The following MIR2052HG variants were observed in gnomAD, a reference collection of about 807,000 sequenced individuals.
The protein encoded by MIR2052HG is MIR2052 host gene.
At chr8:74,715,869 A>G (rs1447648031) in intron 4 of MIR2052HG, among the ~76,000 whole-genome samples, 1 of 152,200 alleles carries the variant, frequency 6.6e-6, no homozygotes, top group Admixed American at 6.5e-5. Flanking sequence ...CATGTCATCT[A>G]CTTCTTCCAC....
intron 4 of MIR2052HG, among the ~76,000 whole-genome samples, chr8:74,729,566 A>G (rs1369153363): frequency 2.6e-5 from 4 of 152,176 alleles, no homozygotes; most frequent in African/African-American, 9.7e-5. Flanking sequence ...TATTTCTTCT[A>G]TATGATAAAA....
At chr8:74,705,636 A>G (rs1386647867) in intron 4 of MIR2052HG, 1 of 170,186 alleles carries the variant, frequency 5.9e-6, no homozygotes, top group African/African-American at 2.4e-5. Flanking sequence ...GACCTTAGGC[A>G]GAAAGAAGGG....
At chr8:74,639,212 GC>G (rs1310176639) in intron 2 of MIR2052HG, among the ~76,000 whole-genome samples, 1 of 152,042 alleles carries the variant, frequency 6.6e-6, no homozygotes, top group East Asian at 1.9e-4. Flanking sequence ...CTGCCTTTCA[GC>G]CCATGTTTAT....
At chr8:74,612,584 A>G (rs780720496) in intron 1 of MIR2052HG, 2 of 258,374 alleles carry the variant, frequency 7.7e-6, no homozygotes, top group African/African-American at 2.3e-5. Flanking sequence ...ACCAAAATGC[A>G]GTCAAAGCAT....
intron 1 of MIR2052HG, among the ~76,000 whole-genome samples, chr8:74,602,602 C>G (rs957747123): frequency 1.5e-4 from 22 of 151,430 alleles, no homozygotes; most frequent in African/African-American, 5.1e-4. Context: ...ACCTCTGCCT[C>G]CTGGGTTCAA....
chr8:74,690,846 G>A (rs561428512), intron 2 of MIR2052HG, among the ~76,000 whole-genome samples: 40 of 152,038 alleles, frequency 2.6e-4, no homozygotes, highest in African/African-American at 9.4e-4. Flanking sequence ...CCACAAGGAG[G>A]TGTAAGAGAC....
chr8:74,737,723 C>T (rs988721547), intron 4 of MIR2052HG, among the ~76,000 whole-genome samples: 3 of 152,176 alleles, frequency 2.0e-5, no homozygotes, highest in African/African-American at 7.2e-5. Context: ...TTTGTGCTCA[C>T]ATTCTTAAGT....
intron 2 of MIR2052HG, among the ~76,000 whole-genome samples, chr8:74,648,763 G>T (rs1200021141): frequency 6.6e-6 from 1 of 151,838 alleles, no homozygotes; most frequent in Non-Finnish European, 1.5e-5. Flanking sequence ...TTGGGTAAGT[G>T]AACTAAGGAA....
At chr8:74,745,188 A>G (rs2128756125) in intron 4 of MIR2052HG, among the ~76,000 whole-genome samples, 1 of 152,298 alleles carries the variant, frequency 6.6e-6, no homozygotes, top group South Asian at 2.1e-4. Flanking sequence ...CCTTGAGCCC[A>G]GAAAGTCGAG....
chr8:74,647,762 T>C (rs1189044889), intron 2 of MIR2052HG, among the ~76,000 whole-genome samples: 1 of 152,196 alleles, frequency 6.6e-6, no homozygotes, highest in Non-Finnish European at 1.5e-5. Context: ...CATGGACATT[T>C]ATCAGTTCCC....
chr8:74,703,196 G>C (rs1312772582), intron 3 of MIR2052HG, among the ~76,000 whole-genome samples: 1 of 151,954 alleles, frequency 6.6e-6, no homozygotes, highest in Admixed American at 6.6e-5. Flanking sequence ...TAGGACTGAT[G>C]GTGACCAAAT....
intron 2 of MIR2052HG, among the ~76,000 whole-genome samples, chr8:74,635,033 A>G (rs1231125942): frequency 6.6e-6 from 1 of 152,182 alleles, no homozygotes; most frequent in Non-Finnish European, 1.5e-5. Context: ...AGTTACAGTG[A>G]AAATGACTTA....
At chr8:74,729,102 C>A (rs994945371) in intron 4 of MIR2052HG, among the ~76,000 whole-genome samples, 2 of 152,112 alleles carry the variant, frequency 1.3e-5, no homozygotes, top group Non-Finnish European at 1.5e-5. Context: ...TTTCCCAAGT[C>A]GCAAACGAAT....
intron 2 of MIR2052HG, among the ~76,000 whole-genome samples, chr8:74,696,727 C>T (rs963800666): frequency 1.3e-5 from 2 of 151,600 alleles, no homozygotes; most frequent in African/African-American, 4.8e-5. Flanking sequence ...AGGGGAGATA[C>T]ATAAATTCCT....
chr8:74,665,577 T>C (rs6472870), intron 2 of MIR2052HG, among the ~76,000 whole-genome samples: 100,827 of 152,074 alleles, frequency 0.66, 35,159 homozygotes, highest in African/African-American at 0.89. Flanking sequence ...TTTGCTGTCA[T>C]TAATCACTCT....
At chr8:74,684,687 T>G (rs1027307568) in intron 2 of MIR2052HG, among the ~76,000 whole-genome samples, 1 of 152,142 alleles carries the variant, frequency 6.6e-6, no homozygotes, top group African/African-American at 2.4e-5. Context: ...ACCTTCAACC[T>G]GGTTTCACAT....
intron 4 of MIR2052HG, among the ~76,000 whole-genome samples, chr8:74,706,648 A>G (rs1027236581): frequency 1.3e-5 from 2 of 152,150 alleles, no homozygotes; most frequent in Non-Finnish European, 1.5e-5. Flanking sequence ...AAAGAAAACC[A>G]TAGTGTTTGT....
intron 4 of MIR2052HG, among the ~76,000 whole-genome samples, chr8:74,742,067 C>T (rs1486936769): frequency 6.6e-6 from 1 of 152,144 alleles, no homozygotes; most frequent in Non-Finnish European, 1.5e-5. Context: ...TTCACAAATA[C>T]AGAAGCTCCA....
intron 2 of MIR2052HG, among the ~76,000 whole-genome samples, chr8:74,698,702 G>A (rs1337333592): frequency 1.3e-5 from 2 of 151,972 alleles, no homozygotes; most frequent in Non-Finnish European, 2.9e-5. Context: ...TTTAACATAT[G>A]TTTTCACTCA....
Sources: gnomAD v4.1 joint callset for allele counts (sites outside exome capture counted in the v4.1 genomes callset) on GRCh38, gnomAD v4.1.1 for gene constraint, MANE v1.5 for transcripts, NCBI Gene and HGNC (gene_info 2026-07-23, HGNC 2026-07-21) for gene names.